Variants in EDN3 observed in about 807,000 individuals in gnomAD.
EDN3 encodes endothelin 3.
Under a neutral mutation model 21.4 loss-of-function variants are expected in EDN3, and 9 were observed. That is an observed-to-expected ratio of 0.42 (90% CI 0.25 to 0.73). The LOEUF (loss-of-function observed/expected upper bound fraction) is 0.73, where lower values mean the gene tolerates loss of function less well. Among genes scored for constraint, EDN3 ranks in the 30% least tolerant of loss-of-function variants. EDN3 has a pLI of 0.26. For synonymous variants in EDN3, 133 were observed against 126.2 expected, an observed-to-expected ratio of 1.05 and a Z score of -0.36; for missense variants, 327 against 309.4, an observed-to-expected ratio of 1.06 and a Z score of -0.43.
intron 2 of EDN3, among the ~76,000 whole-genome samples, chr20:59,306,772 A>G (rs1450617984): frequency 2.6e-5 from 4 of 152,118 alleles, no homozygotes; most frequent in African/African-American, 9.7e-5. Context: ...ATCCCAATAG[A>G]ACGGTTGGAT....
At chr20:59,321,608 AG>A (rs148681039) in intron 3 of EDN3, among the ~76,000 whole-genome samples, 18 of 151,840 alleles carry the variant, frequency 1.2e-4, no homozygotes, top group Middle Eastern at 3.4e-3. Context: ...GCTTATTGGG[AG>A]GGGGGGGAAC....
intron 2 of EDN3, among the ~76,000 whole-genome samples, chr20:59,309,173 C>T (rs1026361916): frequency 2.0e-5 from 3 of 152,142 alleles, no homozygotes; most frequent in Non-Finnish European, 2.9e-5. Flanking sequence ...TGCGGGCACC[C>T]GTCTGGGGCT....
chr20:59,311,546 G>T (rs1989814373), intron 2 of EDN3, among the ~76,000 whole-genome samples: 1 of 152,078 alleles, frequency 6.6e-6, no homozygotes, highest in African/African-American at 2.4e-5. Flanking sequence ...TCATGGCGCT[G>T]GTGGGAGTGT....
In EDN3 at chr20:59,324,764, G is replaced by A. The variant is rs1600765795; in HGVS notation, c.*305G>A. The A allele has an allele frequency of 2.2e-6, 1 of 450,734 alleles. No individual in the cohort carries two copies. The highest frequency in any genetic ancestry group is 2.3e-5 in the South Asian group (1 of 43,176). The allele number at this position is 450,734 out of a possible 1,614,324, so 27.9% of individuals were successfully genotyped here. A position where few individuals can be genotyped will look rare whatever the true frequency, so the allele number is the denominator to read the frequency against. ...GTTGGAAAGCCACTTACTGGCTTTT[G>A]ACATGACTTCTCTTGGAGAATAAGT... On this transcript the variant is annotated 3_prime_UTR_variant, in exon 5 of 5. Coordinates refer to ENST00000337938, the MANE Select transcript of EDN3 (RefSeq NM_207034.3).
At chr20:59,320,748 C>A (rs1990481876) in intron 2 of EDN3, among the ~76,000 whole-genome samples, 1 of 152,220 alleles carries the variant, frequency 6.6e-6, no homozygotes, top group African/African-American at 2.4e-5. Context: ...CTGCTGGGCT[C>A]CAAGAGTGCT....
chr20:59,309,626 AT>A (rs1989660491), intron 2 of EDN3, among the ~76,000 whole-genome samples: 1 of 152,174 alleles, frequency 6.6e-6, no homozygotes, highest in African/African-American at 2.4e-5. Context: ...TCACATAACC[AT>A]TTCTATCTCT....
At chr20:59,303,313 C>A (rs1427853179) in intron 2 of EDN3, among the ~76,000 whole-genome samples, 1 of 152,144 alleles carries the variant, frequency 6.6e-6, no homozygotes, top group Non-Finnish European at 1.5e-5. Flanking sequence ...GTTGGGCCAT[C>A]ATCAATTGCC....
intron 2 of EDN3, among the ~76,000 whole-genome samples, chr20:59,310,828 G>A (rs201694921): frequency 1.4e-4 from 6 of 43,084 alleles, no homozygotes; most frequent in South Asian, 1.3e-3. Context: ...CTTGGGGAGC[G>A]CAAATTGCTT....
intron 3 of EDN3, among the ~76,000 whole-genome samples, chr20:59,321,608 A>G (rs1046995075): frequency 4.6e-5 from 7 of 151,840 alleles, no homozygotes; most frequent in Admixed American, 6.5e-5. Context: ...GCTTATTGGG[A>G]GGGGGGGGAA....
At chr20:59,313,562 C>T (rs1320461134) in intron 2 of EDN3, among the ~76,000 whole-genome samples, 1 of 152,188 alleles carries the variant, frequency 6.6e-6, no homozygotes, top group Non-Finnish European at 1.5e-5. Context: ...AAAAAGGCAA[C>T]AATTAACCCA....
chr20:59,317,522 A>G (rs3026586), intron 2 of EDN3, among the ~76,000 whole-genome samples: 85 of 152,342 alleles, frequency 5.6e-4, no homozygotes, highest in African/African-American at 1.8e-3. Flanking sequence ...TGAAGTGATC[A>G]TCATGTAACA....
chr20:59,321,949 A>G (rs1205297482), intron 3 of EDN3, among the ~76,000 whole-genome samples: 1 of 152,194 alleles, frequency 6.6e-6, no homozygotes, highest in African/African-American at 2.4e-5. Context: ...GCCAAGATTC[A>G]TGAACCCAGT....
At chr20:59,320,952 C>T in intron 2 of EDN3, 65 bp from the exon 3 acceptor site, 1 of 1,596,138 alleles carries the variant, frequency 6.3e-7, no homozygotes, top group Admixed American at 1.7e-5. Flanking sequence ...TCGCTCCACA[C>T]CCTTGGGGGC....
chr20:59,314,796 A>C (rs922287184), intron 2 of EDN3, among the ~76,000 whole-genome samples: 6 of 152,178 alleles, frequency 3.9e-5, no homozygotes, highest in Non-Finnish European at 7.4e-5. Flanking sequence ...CGGGCTCCAG[A>C]GAATTCCCTG....
chr20:59,324,020 C>G (rs1990697368), intron 4 of EDN3, among the ~76,000 whole-genome samples: 1 of 152,170 alleles, frequency 6.6e-6, no homozygotes, highest in Admixed American at 6.5e-5. Context: ...TTAGTAATTC[C>G]CAGATTCACA....
At chr20:59,317,526 T>C (rs966374370) in intron 2 of EDN3, among the ~76,000 whole-genome samples, 4 of 152,226 alleles carry the variant, frequency 2.6e-5, no homozygotes, top group Non-Finnish European at 5.9e-5. Flanking sequence ...GTGATCATCA[T>C]GTAACATAAG....
chr20:59,306,104 G>A (rs894893590), intron 2 of EDN3, among the ~76,000 whole-genome samples: 16 of 152,170 alleles, frequency 1.1e-4, no homozygotes, highest in African/African-American at 3.9e-4. Context: ...CGCCCCATGA[G>A]CTGAGGGATC....
chr20:59,304,556 A>C (rs1258051338), intron 2 of EDN3, among the ~76,000 whole-genome samples: 1 of 152,184 alleles, frequency 6.6e-6, no homozygotes, highest in Non-Finnish European at 1.5e-5. Flanking sequence ...CCCATGGCGC[A>C]TCCAGCTGCG....
At chr20:59,320,576 C>T (rs891438365) in intron 2 of EDN3, among the ~76,000 whole-genome samples, 5 of 152,202 alleles carry the variant, frequency 3.3e-5, no homozygotes, top group African/African-American at 7.2e-5. Context: ...GAGCAGAACC[C>T]GGCCCGGAGG....
Sources: gnomAD v4.1 joint callset for allele counts (sites outside exome capture counted in the v4.1 genomes callset) on GRCh38, gnomAD v4.1.1 for gene constraint, MANE v1.5 for transcripts, NCBI Gene and HGNC (gene_info 2026-07-23, HGNC 2026-07-21) for gene names.